The following CCDC171 variants were observed in gnomAD, a reference collection of about 807,000 sequenced individuals.
CCDC171 encodes the protein coiled-coil domain containing 171, also known as coiled-coil domain-containing protein 171.
In CCDC171, 177 loss-of-function variants were observed where a neutral mutation model predicts 168.2. That is an observed-to-expected ratio of 1.05 (90% CI 0.93 to 1.19). The LOEUF (loss-of-function observed/expected upper bound fraction) is 1.19. Ranked by LOEUF, CCDC171 falls within the 50% of genes most tolerant of loss-of-function variation. The pLI, the probability that CCDC171 is intolerant of heterozygous loss-of-function variation, is 0.00. For missense variants in CCDC171, 1,991 were observed against 1,539.0 expected, an observed-to-expected ratio of 1.29 and a Z score of -4.91; for synonymous variants, 687 against 540.8, an observed-to-expected ratio of 1.27 and a Z score of -3.75.
At chr9:15,850,637 T>C (rs929673289) in intron 23 of CCDC171, among the ~76,000 whole-genome samples, 3 of 151,990 alleles carry the variant, frequency 2.0e-5, no homozygotes, top group Non-Finnish European at 2.9e-5. Flanking sequence ...GGAAAGATAA[T>C]TGGGGATAAT....
intron 25 of CCDC171, among the ~76,000 whole-genome samples, chr9:15,955,091 T>C (rs769138091): frequency 6.6e-6 from 1 of 152,138 alleles, no homozygotes; most frequent in Non-Finnish European, 1.5e-5. Context: ...CCCTAGGGTT[T>C]TCTGATTTTT....
chr9:15,921,166 G>A (rs1008343051), intron 25 of CCDC171, among the ~76,000 whole-genome samples: 4 of 151,650 alleles, frequency 2.6e-5, no homozygotes, highest in Admixed American at 2.0e-4. Context: ...AAGAAAAACA[G>A]TATCATTTTG....
At chr9:15,710,364 G>A (rs1051179339) in intron 11 of CCDC171, among the ~76,000 whole-genome samples, 6 of 151,804 alleles carry the variant, frequency 4.0e-5, no homozygotes, top group South Asian at 2.1e-4. Context: ...CTGGAGTGGC[G>A]CCATCTCAGC....
chr9:15,746,670 C>T (rs1316196574), intron 18 of CCDC171, among the ~76,000 whole-genome samples: 1 of 152,182 alleles, frequency 6.6e-6, no homozygotes, highest in African/African-American at 2.4e-5. Flanking sequence ...CGGTCTGCAA[C>T]TCCAGCAAGA....
chr9:16,102,310 C>T, the CCDC171 span, among the ~76,000 whole-genome samples: 20 of 152,280 alleles, frequency 1.3e-4, 1 homozygote, highest in East Asian at 2.9e-3. Context: ...CATATACACA[C>T]GCGCTTGCTC....
At chr9:15,652,141 T>C (rs1020563309) in intron 7 of CCDC171, among the ~76,000 whole-genome samples, 1 of 152,190 alleles carries the variant, frequency 6.6e-6, no homozygotes, top group East Asian at 1.9e-4. Context: ...ACCCCTATGT[T>C]TTCTTCTAAG....
intron 24 of CCDC171, among the ~76,000 whole-genome samples, chr9:15,903,869 C>T (rs979744041): frequency 1.5e-4 from 23 of 152,208 alleles, no homozygotes; most frequent in Admixed American, 3.9e-4. Context: ...ACGAGAGGTA[C>T]GTGACGAATG....
intron 7 of CCDC171, among the ~76,000 whole-genome samples, chr9:15,647,981 T>C (rs1253797236): frequency 3.9e-5 from 6 of 152,168 alleles, no homozygotes; most frequent in Admixed American, 2.6e-4. Context: ...TGATGAACAT[T>C]GATGCAAAAA....
In CCDC171 at chr9:15,884,138, G is replaced by T. The variant is rs533052858; in HGVS notation, c.3600+9475G>T. Among the ~76,000 whole-genome samples the T allele has an allele frequency of 1.4e-4, 22 of 152,208 alleles. No homozygotes were observed. The South Asian group carries it at 2.9e-3, about 20-fold the overall frequency. ...TGGTAGCACTGGATAGAATTCCAGT[G>T]CTACTGGAGTTCTATCCTAGAATCA... is the stretch of plus-strand genomic sequence containing the variant. On this transcript the variant is annotated intron_variant, in intron 24 of 25. Coordinates refer to ENST00000380701, the MANE Select transcript of CCDC171 (RefSeq NM_173550.4).
In CCDC171 at chr9:15,633,430, C is replaced by T. The variant is rs569944928; in HGVS notation, c.822+10017C>T. ...AAAAAAACACATGAAAAAATGCTCA[C>T]CGTCACTGGCCATCAGAGAAATGCA... On this transcript the variant is annotated intron_variant, in intron 7 of 25. Coordinates refer to ENST00000380701, the MANE Select transcript of CCDC171 (RefSeq NM_173550.4). Among the ~76,000 whole-genome samples the T allele has an allele frequency of 6.1e-3, 927 of 152,190 alleles. 7 individuals are homozygous for T. The highest frequency in any genetic ancestry group is 0.022 in the African/African-American group (900 of 41,528).
At chr9:15,983,479 G>T (rs1351590897) in intron 3 of CCDC171, among the ~76,000 whole-genome samples, 1 of 127,910 alleles carries the variant, frequency 7.8e-6, no homozygotes, top group African/African-American at 3.0e-5. Context: ...TTTGTGATCA[G>T]TTGTGTGTGT....
the CCDC171 span, among the ~76,000 whole-genome samples, chr9:16,104,716 T>C: frequency 6.6e-6 from 1 of 150,918 alleles, no homozygotes; most frequent in South Asian, 2.1e-4. Flanking sequence ...AAGCCTTCAT[T>C]TAATCATATC....
chr9:15,856,478 A>G (rs2061353223), intron 23 of CCDC171, among the ~76,000 whole-genome samples: 1 of 152,032 alleles, frequency 6.6e-6, no homozygotes, highest in South Asian at 2.1e-4. Context: ...AATGTCCTCA[A>G]GGTTCATCCA....
At chr9:16,091,988 C>G in the CCDC171 span, among the ~76,000 whole-genome samples, 1 of 152,178 alleles carries the variant, frequency 6.6e-6, no homozygotes, top group African/African-American at 2.4e-5. Flanking sequence ...TCACTGAGCC[C>G]AATTCCAATC....
chr9:15,722,188 A>G (rs951356177), intron 12 of CCDC171, among the ~76,000 whole-genome samples: 5 of 152,308 alleles, frequency 3.3e-5, no homozygotes, highest in Non-Finnish European at 4.4e-5. Context: ...GTTAATATGT[A>G]CTGTATTTAA....
At chr9:16,004,112 C>T (rs1196546979) in intron 3 of CCDC171, among the ~76,000 whole-genome samples, 1 of 152,214 alleles carries the variant, frequency 6.6e-6, no homozygotes, top group Non-Finnish European at 1.5e-5. Context: ...GTAGATGATG[C>T]AGTCAGGCTA....
intron 25 of CCDC171, among the ~76,000 whole-genome samples, chr9:15,958,091 A>G (rs1829978085): frequency 6.6e-6 from 1 of 152,074 alleles, no homozygotes; most frequent in South Asian, 2.1e-4. Flanking sequence ...TATGGATTAG[A>G]ATAAGTCCAT....
Position 15,629,640 on chromosome 9 carries a change from A to C in CCDC171, c.822+6227A>C, listed in dbSNP as rs1285153097. 2.6e-5 allele frequency among the ~76,000 whole-genome samples: 4 copies of C among 152,314 alleles called. No homozygotes were observed. The East Asian group carries it at 5.8e-4, about 22-fold the overall frequency. ...CCAGGAGAACTTCCCCAATCTAGCA[A>C]GGCAGGCCAACATTCAGATTCAGGA... On this transcript the variant is annotated intron_variant, in intron 7 of 25. Coordinates refer to ENST00000380701, the MANE Select transcript of CCDC171 (RefSeq NM_173550.4).
At chr9:16,085,832 A>C in the CCDC171 span, among the ~76,000 whole-genome samples, 1 of 152,090 alleles carries the variant, frequency 6.6e-6, no homozygotes, top group African/African-American at 2.4e-5. Flanking sequence ...TATAATAGAG[A>C]CCACAAACAT....
Sources: allele counts gnomAD v4.1 joint callset (sites outside exome capture counted in the v4.1 genomes callset), GRCh38; gene constraint gnomAD v4.1.1; transcripts MANE v1.5; gene names NCBI Gene and HGNC (gene_info 2026-07-23, HGNC 2026-07-21).